The following COG3 variants were observed in gnomAD, a reference collection of about 807,000 sequenced individuals.
COG3 encodes the protein component of oligomeric golgi complex 3.
COG3 carries 32 observed loss-of-function variants against 114.1 expected under a neutral mutation model. The observed-to-expected ratio is 0.28, with a 90% CI of 0.21 to 0.38. COG3 has a LOEUF of 0.38. Among genes scored for constraint, COG3 ranks in the 10% least tolerant of loss-of-function variants. COG3 has a pLI of 1.00. For synonymous variants in COG3, 352 were observed against 365.7 expected, an observed-to-expected ratio of 0.96 and a Z score of 0.43; for missense variants, 813 against 973.2, an observed-to-expected ratio of 0.84 and a Z score of 2.19.
At chr13:45,484,605 T>C (rs1195200957) in intron 7 of COG3, among the ~76,000 whole-genome samples, 2 of 151,204 alleles carry the variant, frequency 1.3e-5, no homozygotes, top group Non-Finnish European at 3.0e-5. Flanking sequence ...TATTTATTTA[T>C]TTATTTATTT....
In COG3 at chr13:45,511,803, T is replaced by C; in HGVS notation, c.1758T>C (p.Ser586=). ...VFQGLSQEAL[S]ACIQSLLGAS... is the part of the protein sequence containing the mutation. The stretch of plus-strand genomic sequence containing the variant: ...AAGGATTATCACAGGAAGCATTGTC[T>C]GCCTGCATTCAGTCCTTACTTGGAG... The change falls in exon 16 of 23, where the codon TCT becomes TCC. Residue 586 remains serine, a synonymous_variant. Coordinates refer to ENST00000349995, the MANE Select transcript of COG3 (RefSeq NM_031431.4). 6.2e-7 allele frequency: 1 copy of C among 1,614,116 alleles called. No homozygotes were observed. Among genetic ancestry groups the C allele is most frequent in the African/African-American group, 1.3e-5 (1 of 75,050 alleles).
intron 8 of COG3, among the ~76,000 whole-genome samples, chr13:45,489,982 G>C (rs1489088489): frequency 6.6e-6 from 1 of 152,074 alleles, no homozygotes; most frequent in Non-Finnish European, 1.5e-5. Flanking sequence ...CAAATAGGAA[G>C]GACTGGAGTT....
At chr13:45,493,085 G>A (rs1392482702) in intron 11 of COG3, among the ~76,000 whole-genome samples, 1 of 152,134 alleles carries the variant, frequency 6.6e-6, no homozygotes, top group Admixed American at 6.5e-5. Flanking sequence ...ATAGATAAAA[G>A]TTGTAATAGG....
At chr13:45,527,325 C>T (rs1872782431) in intron 20 of COG3, among the ~76,000 whole-genome samples, 1 of 152,178 alleles carries the variant, frequency 6.6e-6, no homozygotes, top group South Asian at 2.1e-4. Flanking sequence ...TGTCATTTAA[C>T]CCAGTTCCTT....
chr13:45,530,036 G>C, intron 21 of COG3, 118 bp downstream of exon 21: 1 of 1,101,374 alleles, frequency 9.1e-7, no homozygotes, highest in Non-Finnish European at 1.2e-6. Flanking sequence ...TTCTAGTGAA[G>C]TTGAATAATC....
At chr13:45,507,335 TAAATGTTAGTTTAAA>T (rs1280257276) in intron 14 of COG3, among the ~76,000 whole-genome samples, 1 of 152,208 alleles carries the variant, frequency 6.6e-6, no homozygotes, top group Non-Finnish European at 1.5e-5. Context: ...TAATACAAAT[TAAATGTTAGTTTAAA>T]GTGAGCTCTT....
At chr13:45,518,883 G>T in intron 18 of COG3, 33 bp downstream of exon 18, 1 of 1,610,114 alleles carries the variant, frequency 6.2e-7, no homozygotes, top group Non-Finnish European at 8.5e-7. Context: ...GGTGGTGGGA[G>T]ATAAACGACA....
At chr13:45,490,176 A>G (rs1478840066) in intron 8 of COG3, among the ~76,000 whole-genome samples, 1 of 152,182 alleles carries the variant, frequency 6.6e-6, no homozygotes, top group Non-Finnish European at 1.5e-5. Context: ...GCTTCTGAGG[A>G]TTTATGAGAC....
At chr13:45,486,303 A>ACCAT (rs1886645654) in intron 7 of COG3, among the ~76,000 whole-genome samples, 192 bp from the exon 8 acceptor site, 1 of 64,114 alleles carries the variant, frequency 1.6e-5, no homozygotes, top group Non-Finnish European at 2.9e-5. Context: ...GAGACGGGAG[A>ACCAT]CGGGAGACGG....
chr13:45,531,164 A>C, intron 22 of COG3: 1 of 662,786 alleles, frequency 1.5e-6, no homozygotes, highest in African/African-American at 2.0e-5. Context: ...ACTGGGGTAC[A>C]GGTGGTATTT....
rs371748110 is a variant in COG3 at position 45,483,306 on chromosome 13, C to T, written c.794C>T (p.Thr265Ile). 1.2e-6 allele frequency: 2 copies of T among 1,600,886 alleles called. No individual in the cohort carries two copies. Among genetic ancestry groups the T allele is most frequent in the Admixed American group, 1.7e-5 (1 of 59,864 alleles). ...TCTAAAGCTTTGCACCTCATGAAGA[C>T]ATATACTGTGAACACACTACAGACC... ...CLSKALHLMK[T>I]YTVNTLQTLT... Residue 265 changes from threonine (T) to isoleucine (I), a missense_variant, in exon 7 of 23, where the codon ACA (threonine) becomes ATA (isoleucine). By Grantham distance (89) the Thr-to-Ile change is moderately conservative. Around this residue, in one of 2 missense-constraint regions of COG3, gnomAD observed 424 missense variants for 430.6 expected, o/e 0.98. Coordinates refer to ENST00000349995, the MANE Select transcript of COG3 (RefSeq NM_031431.4).
chr13:45,511,489 C>T (rs1781779641), intron 15 of COG3, among the ~76,000 whole-genome samples: 1 of 152,202 alleles, frequency 6.6e-6, no homozygotes, highest in South Asian at 2.1e-4. Context: ...CCATGCCTGC[C>T]TATATTTCTA....
Position 45,530,715 on chromosome 13 carries a change from G to A in COG3, c.2392G>A (p.Ala798Thr), listed in dbSNP as rs906134143. The A allele has an allele frequency of 4.3e-6, 7 of 1,612,124 alleles. No homozygotes were observed. Among genetic ancestry groups the A allele is most frequent in the Admixed American group, 1.7e-5 (1 of 59,986 alleles). Residue 798 changes from alanine (A) to threonine (T), a missense_variant, in exon 22 of 23, where the codon GCT (alanine) becomes ACT (threonine). Around this residue, in one of 2 missense-constraint regions of COG3, gnomAD observed 389 missense variants for 542.6 expected, o/e 0.72. Coordinates refer to ENST00000349995, the MANE Select transcript of COG3 (RefSeq NM_031431.4). ...NIQQVFQKFH[A>T]LLKEEFSPED... Reference sequence around the variant, plus strand: ...TCAGCAAGTCTTCCAGAAGTTCCACGCTCTGTTAAAGGAAGAGTTCAGCCC... The same window carrying A: ...TCAGCAAGTCTTCCAGAAGTTCCACACTCTGTTAAAGGAAGAGTTCAGCCC...
At chr13:45,465,740 C>T (rs554842113) in intron 1 of COG3, 2 of 152,610 alleles carry the variant, frequency 1.3e-5, no homozygotes, top group African/African-American at 2.4e-5. Context: ...TATGAGCTCT[C>T]AATCAAGTGC....
At chr13:45,526,604 A>G (rs117999897) in intron 20 of COG3, among the ~76,000 whole-genome samples, 2 of 152,354 alleles carry the variant, frequency 1.3e-5, no homozygotes, top group East Asian at 3.9e-4. Context: ...ACTTTGTGAC[A>G]TACTTTAGGT....
At chr13:45,528,534 G>T (rs1018101875) in intron 20 of COG3, among the ~76,000 whole-genome samples, 2 of 152,152 alleles carry the variant, frequency 1.3e-5, no homozygotes, top group African/African-American at 4.8e-5. Flanking sequence ...GCTATAAAAT[G>T]AAAAGTAATT....
intron 14 of COG3, among the ~76,000 whole-genome samples, chr13:45,509,129 TC>T (rs1870569063): frequency 6.6e-6 from 1 of 151,358 alleles, no homozygotes; most frequent in Non-Finnish European, 1.5e-5. Flanking sequence ...AACCTCCGGC[TC>T]CCAGGTTCAA....
At chr13:45,483,768 T>C (rs1448730414) in intron 7 of COG3, among the ~76,000 whole-genome samples, 1 of 152,228 alleles carries the variant, frequency 6.6e-6, no homozygotes, top group African/African-American at 2.4e-5. Flanking sequence ...CATCTCATAA[T>C]GCATAATTTA....
Position 45,535,989 on chromosome 13 carries a change from A to G in COG3, c.*1258A>G, listed in dbSNP as rs1247730140. 2 of 431,780 alleles carry G rather than the reference A, an allele frequency of 4.6e-6. No individual in the cohort carries two copies. Among genetic ancestry groups the G allele is most frequent in the Non-Finnish European group, 6.2e-6 (2 of 322,306 alleles). 26.7% of individuals were successfully genotyped at this position (431,780 alleles called of 1,614,324 possible). A position where few individuals can be genotyped will look rare whatever the true frequency, so the allele number is the denominator to read the frequency against. ...GCAGTGGGTGCCTGTAACTCATTAG[A>G]CGTACTGAGGCAGCACTTCTGCAGG... On this transcript the variant is annotated 3_prime_UTR_variant, in exon 23 of 23. Coordinates refer to ENST00000349995, the MANE Select transcript of COG3 (RefSeq NM_031431.4).
Sources: gnomAD v4.1 joint callset for allele counts (sites outside exome capture counted in the v4.1 genomes callset) on GRCh38, gnomAD v4.1.1 for gene constraint, gnomAD v4.1.1 regional missense constraint, MANE v1.5 for transcripts, NCBI Gene and HGNC (gene_info 2026-07-23, HGNC 2026-07-21) for gene names.